Variants in SUMF1 observed in about 807,000 individuals in gnomAD.
SUMF1 encodes formylglycine-generating enzyme.
In SUMF1, 48 loss-of-function variants were observed where a neutral mutation model predicts 47.6. That is an observed-to-expected ratio of 1.01 (90% CI 0.80 to 1.28). SUMF1 has a LOEUF of 1.28. Ranked by LOEUF, SUMF1 falls within the 50% of genes most tolerant of loss-of-function variation. The pLI is 0.00. For missense variants in SUMF1, 571 were observed against 485.4 expected, an observed-to-expected ratio of 1.18 and a Z score of -1.66; for synonymous variants, 230 against 192.1, an observed-to-expected ratio of 1.20 and a Z score of -1.63.
chr3:4,369,628 G>A (rs1700108044), intron 8 of SUMF1, among the ~76,000 whole-genome samples: 1 of 152,188 alleles, frequency 6.6e-6, no homozygotes, highest in Non-Finnish European at 1.5e-5. Flanking sequence ...TGATGTGGAT[G>A]AGATTTCCAT....
At chr3:4,069,955 C>G (rs538177044) in intron 8 of SUMF1, among the ~76,000 whole-genome samples, 1 of 152,124 alleles carries the variant, frequency 6.6e-6, no homozygotes, top group Non-Finnish European at 1.5e-5. Context: ...GAGCCAGATA[C>G]GCTTTTAGCT....
At chr3:4,174,535 T>A (rs1481164936) in intron 8 of SUMF1, among the ~76,000 whole-genome samples, 2 of 108,962 alleles carry the variant, frequency 1.8e-5, no homozygotes, top group Non-Finnish European at 4.1e-5. Context: ...AAAACCCCCA[T>A]CTCTACTAAA....
At chr3:4,451,736 G>A (rs368650576) in intron 2 of SUMF1, among the ~76,000 whole-genome samples, 3 of 152,190 alleles carry the variant, frequency 2.0e-5, no homozygotes, top group East Asian at 3.9e-4. Context: ...CTTCCTGGAG[G>A]GCAGTGGCCG....
intron 8 of SUMF1, among the ~76,000 whole-genome samples, chr3:4,273,791 G>A (rs371344581): frequency 1.1e-4 from 11 of 96,784 alleles, no homozygotes; most frequent in East Asian, 1.1e-3. Flanking sequence ...GGATACGGGA[G>A]GGGAGGGCAT....
chr3:4,224,485 C>T (rs936448984), intron 8 of SUMF1, among the ~76,000 whole-genome samples: 1 of 152,048 alleles, frequency 6.6e-6, no homozygotes, highest in African/African-American at 2.4e-5. Flanking sequence ...TCACCCAGAG[C>T]TCACAGAGAT....
intron 3 of SUMF1, among the ~76,000 whole-genome samples, chr3:4,433,043 A>G (rs73001403): frequency 0.03 from 4,561 of 152,278 alleles, 124 homozygotes; most frequent in Non-Finnish European, 0.04. Context: ...TTTTTGCCAG[A>G]TAATTCTGAA....
At chr3:4,319,649 G>T (rs1477701299) in intron 8 of SUMF1, among the ~76,000 whole-genome samples, 1 of 152,154 alleles carries the variant, frequency 6.6e-6, no homozygotes, top group African/African-American at 2.4e-5. Flanking sequence ...GGGACAGTTG[G>T]AACAGTTTCA....
intron 7 of SUMF1, among the ~76,000 whole-genome samples, chr3:4,391,808 T>C (rs923342934): frequency 1.3e-5 from 2 of 149,934 alleles, no homozygotes; most frequent in African/African-American, 4.9e-5. Flanking sequence ...TTTGGATAAT[T>C]CCTTTTTCTT....
intron 8 of SUMF1, among the ~76,000 whole-genome samples, chr3:4,269,317 C>A (rs959531009): frequency 6.6e-6 from 1 of 152,142 alleles, no homozygotes; most frequent in Non-Finnish European, 1.5e-5. Flanking sequence ...CCCACTCCCC[C>A]CATCCCAAAG....
Position 4,286,044 on chromosome 3 carries a change from T to C in SUMF1, c.1014+90286A>G, listed in dbSNP as rs1333946508. Reference sequence around the variant, plus strand: ...GAGCAAAGTATGCAGTAAGAATGTATTGCACATTCTTTACAAGACTCCTTA... The same window carrying C: ...GAGCAAAGTATGCAGTAAGAATGTACTGCACATTCTTTACAAGACTCCTTA... On this transcript the variant is annotated intron_variant and NMD_transcript_variant, in intron 8 of 12. Coordinates refer to the SUMF1 transcript ENST00000448413. Among the ~76,000 whole-genome samples the C allele has an allele frequency of 2.0e-5, 3 of 152,250 alleles. No individual in the cohort carries two copies. The East Asian group carries it at 5.8e-4, about 29-fold the overall frequency.
At chr3:4,323,844 C>T (rs1221652274) in intron 8 of SUMF1, among the ~76,000 whole-genome samples, 1 of 152,128 alleles carries the variant, frequency 6.6e-6, no homozygotes, top group Non-Finnish European at 1.5e-5. Context: ...CAGAAGTGCT[C>T]AGTCAGATAG....
At chr3:4,427,976 G>A (rs1422621603) in intron 3 of SUMF1, among the ~76,000 whole-genome samples, 2 of 152,036 alleles carry the variant, frequency 1.3e-5, no homozygotes, top group Non-Finnish European at 2.9e-5. Context: ...AAAAATGAGA[G>A]AAATATTTCT....
intron 8 of SUMF1, among the ~76,000 whole-genome samples, chr3:4,217,819 G>C (rs1035251622): frequency 1.3e-5 from 2 of 151,082 alleles, no homozygotes; most frequent in Non-Finnish European, 2.9e-5. Context: ...AAATTCACCA[G>C]GGAAAAAATT....
chr3:4,215,194 C>T (rs1273411503), intron 8 of SUMF1, among the ~76,000 whole-genome samples: 2 of 152,164 alleles, frequency 1.3e-5, no homozygotes, highest in African/African-American at 2.4e-5. Flanking sequence ...AATGCTTATC[C>T]ACCACGATCA....
Position 4,257,615 on chromosome 3 carries a change from T to G in SUMF1, c.1014+118715A>C, listed in dbSNP as rs1349930139. Among the ~76,000 whole-genome samples, 43 of 148,358 alleles carry G rather than the reference T, an allele frequency of 2.9e-4. 1 individual carries two copies. The East Asian group carries it at 4.0e-3, about 14-fold the overall frequency. On this transcript the variant is annotated intron_variant and NMD_transcript_variant, in intron 8 of 12. Coordinates refer to the SUMF1 transcript ENST00000448413. Reference sequence around the variant, plus strand: ...CACTGCTCAAGGAAATAAAAGAGGATACAAACAAATGGAAGAACATTCCAT... The same window carrying G: ...CACTGCTCAAGGAAATAAAAGAGGAGACAAACAAATGGAAGAACATTCCAT...
chr3:4,253,159 C>T (rs961498495), intron 8 of SUMF1, among the ~76,000 whole-genome samples: 1 of 152,216 alleles, frequency 6.6e-6, no homozygotes, highest in Non-Finnish European at 1.5e-5. Context: ...GTTTGGTTCA[C>T]TTTCCATCTC....
At chr3:4,269,943 C>G (rs532543846) in intron 8 of SUMF1, among the ~76,000 whole-genome samples, 1 of 152,228 alleles carries the variant, frequency 6.6e-6, no homozygotes, top group South Asian at 2.1e-4. Context: ...AGGTGAAGAG[C>G]TGATGATGAA....
At chr3:4,349,533 A>G (rs1430582118) in intron 8 of SUMF1, among the ~76,000 whole-genome samples, 1 of 152,232 alleles carries the variant, frequency 6.6e-6, no homozygotes, top group Non-Finnish European at 1.5e-5. Flanking sequence ...ACACACGCAC[A>G]TGTATGCTCC....
At chr3:4,173,903 A>G (rs1694895204) in intron 8 of SUMF1, among the ~76,000 whole-genome samples, 1 of 152,128 alleles carries the variant, frequency 6.6e-6, no homozygotes, top group African/African-American at 2.4e-5. Context: ...GGGGAGGGAT[A>G]ACATTAGGAG....
Sources: allele counts gnomAD v4.1 joint callset (sites outside exome capture counted in the v4.1 genomes callset), GRCh38; gene constraint gnomAD v4.1.1; transcripts MANE v1.5; gene names NCBI Gene and HGNC (gene_info 2026-07-23, HGNC 2026-07-21).